SLIT3: variants seen among roughly 807,000 people sequenced by gnomAD.
The protein encoded by SLIT3 is slit guidance ligand 3.
Under a neutral mutation model 184.0 loss-of-function variants are expected in SLIT3, and 68 were observed. That is an observed-to-expected ratio of 0.37 (90% confidence interval 0.30 to 0.45). SLIT3 has a LOEUF of 0.45. Among genes scored for constraint, SLIT3 ranks in the 20% least tolerant of loss-of-function variants. SLIT3 has a pLI of 1.00. For synonymous variants in SLIT3, 831 were observed against 828.6 expected (o/e 1.00, Z -0.05); for missense variants, 1,707 against 2,026.0 (o/e 0.84, Z 3.02).
chr5:169,042,962 G>C (rs1003860563), intron 4 of SLIT3, among the ~76,000 whole-genome samples: 5 of 152,170 alleles, frequency 3.3e-5, no homozygotes, highest in African/African-American at 1.2e-4. Flanking sequence ...TAAAACAAAA[G>C]GGTGTTTACT....
chr5:169,147,731 T>C (rs1410757991), intron 4 of SLIT3, among the ~76,000 whole-genome samples: 3 of 152,126 alleles, frequency 2.0e-5, no homozygotes, highest in African/African-American at 4.8e-5. Context: ...GATGAGAGTA[T>C]AGAGATACCA....
chr5:169,261,065 C>T (rs993311061), intron 1 of SLIT3, among the ~76,000 whole-genome samples: 11 of 152,152 alleles, frequency 7.2e-5, no homozygotes, highest in Non-Finnish European at 1.3e-4. Context: ...ACTTTATTTA[C>T]GAAGACAGAC....
intron 4 of SLIT3, among the ~76,000 whole-genome samples, chr5:168,969,771 C>T (rs539609561): frequency 5.3e-5 from 8 of 152,296 alleles, no homozygotes; most frequent in African/African-American, 1.9e-4. Context: ...TCCTGGAGAG[C>T]GGGAAGGGAA....
At chr5:168,944,997 G>A (rs893934907) in intron 4 of SLIT3, among the ~76,000 whole-genome samples, 2 of 152,156 alleles carry the variant, frequency 1.3e-5, no homozygotes, top group African/African-American at 2.4e-5. Context: ...GGACTGACCT[G>A]TGACACCCGA....
At chr5:168,969,397 G>A (rs1383602564) in intron 4 of SLIT3, among the ~76,000 whole-genome samples, 1 of 152,222 alleles carries the variant, frequency 6.6e-6, no homozygotes, top group Admixed American at 6.5e-5. Flanking sequence ...GGGAGTCAGC[G>A]TTTAACTGGA....
intron 5 of SLIT3, among the ~76,000 whole-genome samples, chr5:168,864,488 T>C (rs888227053): frequency 5.9e-5 from 9 of 152,324 alleles, no homozygotes; most frequent in Non-Finnish European, 8.8e-5. Context: ...TGAGATTATG[T>C]TTAAGTAAAT....
intron 34 of SLIT3, 40 bp downstream of exon 34, chr5:168,671,158 G>T: frequency 6.3e-7 from 1 of 1,584,158 alleles, no homozygotes; most frequent in Non-Finnish European, 8.6e-7. Flanking sequence ...AGGCCATTCT[G>T]GGAGCTCGAG....
chr5:169,207,477 T>C (rs997640264), intron 3 of SLIT3, among the ~76,000 whole-genome samples: 1 of 151,558 alleles, frequency 6.6e-6, no homozygotes, highest in Non-Finnish European at 1.5e-5. Flanking sequence ...CAGTATAGGA[T>C]GAACAGAGGT....
chr5:169,009,910 T>C (rs1756081337), intron 4 of SLIT3, among the ~76,000 whole-genome samples: 1 of 152,246 alleles, frequency 6.6e-6, no homozygotes, highest in African/African-American at 2.4e-5. Flanking sequence ...TTTCTGTTCT[T>C]GTTCCTCAAG....
At chr5:169,232,068 T>C (rs1480380163) in intron 3 of SLIT3, among the ~76,000 whole-genome samples, 1 of 152,218 alleles carries the variant, frequency 6.6e-6, no homozygotes, top group Non-Finnish European at 1.5e-5. Context: ...CCTTTGTCAG[T>C]TATATGCACT....
At chr5:168,896,015 G>A (rs1051387334) in intron 4 of SLIT3, among the ~76,000 whole-genome samples, 2 of 152,218 alleles carry the variant, frequency 1.3e-5, no homozygotes, top group Admixed American at 1.3e-4. Context: ...CCAGCAAAGA[G>A]AAAAGGACCT....
At chr5:169,162,373 G>T (rs1762508502) in intron 4 of SLIT3, among the ~76,000 whole-genome samples, 4 of 152,156 alleles carry the variant, frequency 2.6e-5, no homozygotes, top group Admixed American at 2.6e-4. Context: ...TCGCCATGTT[G>T]CCCTTACAGC....
chr5:168,952,704 T>C (rs1455248667), intron 4 of SLIT3, among the ~76,000 whole-genome samples: 1 of 152,124 alleles, frequency 6.6e-6, no homozygotes, highest in African/African-American at 2.4e-5. Flanking sequence ...AACCCATGAA[T>C]GGGCTGACCC....
At chr5:168,980,003 A>G (rs1754896442) in intron 4 of SLIT3, among the ~76,000 whole-genome samples, 1 of 152,094 alleles carries the variant, frequency 6.6e-6, no homozygotes, top group Admixed American at 6.6e-5. Context: ...GGCTTCCCTC[A>G]GCTCCTGGGA....
intron 16 of SLIT3, among the ~76,000 whole-genome samples, chr5:168,755,448 T>TCTTTCTTTCTTTCTTTTC (rs1419173588): frequency 1.9e-5 from 2 of 102,566 alleles, no homozygotes; most frequent in African/African-American, 3.4e-5. Flanking sequence ...TTTCTTTCTT[T>TCTTTCTTTCTTTCTTTTC]TTGAGACAGA....
Position 169,010,626 on chromosome 5 carries a change from G to A in SLIT3, c.414-127290C>T, listed in dbSNP as rs527874144. ...TCAGAAAATAATGCCTTTTGGTCAG[G>A]TGTGGTGGCTCATGCCTGTAATCCT... On this transcript the variant is annotated intron_variant, in intron 4 of 35. Transcript: ENST00000519560. Among the ~76,000 whole-genome samples, 4 of 152,288 alleles carry A rather than the reference G, an allele frequency of 2.6e-5. No homozygotes were observed. The South Asian group carries it at 8.3e-4, about 32-fold the overall frequency.
At chr5:168,823,479 T>G (rs919084996) in intron 6 of SLIT3, 148 bp from the exon 7 acceptor site, 5 of 733,000 alleles carry the variant, frequency 6.8e-6, no homozygotes, top group African/African-American at 5.1e-5. Flanking sequence ...TGAAGACAAG[T>G]GGACAGGTCT....
At position 169,210,569 on chromosome 5, in the gene SLIT3, G is replaced by A. The variant is rs76651038; in HGVS notation, c.342-17019C>T. 4.3e-3 allele frequency among the ~76,000 whole-genome samples: 659 copies of A among 152,328 alleles called. 7 individuals carry two copies. Among genetic ancestry groups the A allele is most frequent in the African/African-American group, 0.015 (626 of 41,572 alleles). On this transcript the variant is annotated intron_variant, in intron 3 of 35. Coordinates refer to ENST00000519560, the MANE Select transcript of SLIT3 (RefSeq NM_003062.4). The stretch of plus-strand genomic sequence containing the variant: ...GAAGTTTCCTGGGAAGGACTGGCAT[G>A]AAGAAAGTCAGTTAGTAGGAAGAGA...
chr5:168,670,001 G>C lies in SLIT3; in HGVS notation c.4128-10C>G, dbSNP rs962193691. The C allele has an allele frequency of 6.2e-7, 1 of 1,612,894 alleles. No individual in the cohort carries two copies. Among genetic ancestry groups the C allele is most frequent in the Non-Finnish European group, 8.5e-7 (1 of 1,179,124 alleles). On this transcript the variant is annotated splice_polypyrimidine_tract_variant and intron_variant, in intron 34 of 35. Transcript: ENST00000519560. ...TTTTCCATGGTGGCATCTAGGGGCA[G>C]AGAGGAGGATGAGAAGGGAACTGGA...
Sources: allele counts gnomAD v4.1 joint callset (sites outside exome capture counted in the v4.1 genomes callset), GRCh38; gene constraint gnomAD v4.1.1; transcripts MANE v1.5; gene names NCBI Gene and HGNC (gene_info 2026-07-23, HGNC 2026-07-21).